IGF1R: variants seen among roughly 807,000 people sequenced by gnomAD.
IGF1R encodes the protein insulin-like growth factor 1 receptor.
A neutral mutation model predicts 144.6 loss-of-function variants in IGF1R; 44 were observed. The ratio of observed to expected loss-of-function variants is 0.30; its 90% CI spans 0.24 to 0.39. The LOEUF (loss-of-function observed/expected upper bound fraction) is 0.39, where lower values mean the gene tolerates loss of function less well. Ranked by LOEUF, IGF1R falls within the 10% of genes least tolerant of loss-of-function variation. The probability of loss-of-function intolerance (pLI) is 1.00; values close to 1 mark genes in which losing one functional copy is unlikely to be tolerated. For synonymous variants in IGF1R, 795 were observed against 722.8 expected, an observed-to-expected ratio of 1.10 and a Z score of -1.60; for missense variants, 1,355 against 1,833.7, an observed-to-expected ratio of 0.74 and a Z score of 4.77.
At chr15:98,832,577 CTGTGAA>C (rs2057021062) in intron 2 of IGF1R, among the ~76,000 whole-genome samples, 1 of 152,186 alleles carries the variant, frequency 6.6e-6, no homozygotes. Context: ...TCACAAGTTT[CTGTGAA>C]TGTGAATTAA....
At chr15:98,723,845 C>T (rs752097391) in intron 2 of IGF1R, among the ~76,000 whole-genome samples, 9 of 152,074 alleles carry the variant, frequency 5.9e-5, no homozygotes, top group Non-Finnish European at 1.2e-4. Context: ...AATGCATGTT[C>T]TTAACATTTT....
intron 2 of IGF1R, among the ~76,000 whole-genome samples, chr15:98,779,666 G>A (rs1378873838): frequency 1.3e-5 from 2 of 152,172 alleles, no homozygotes; most frequent in African/African-American, 4.8e-5. Context: ...CGCTTCTCTG[G>A]AGTCAGAGGT....
intron 2 of IGF1R, among the ~76,000 whole-genome samples, chr15:98,783,189 TG>T (rs576483236): frequency 7.9e-4 from 121 of 152,340 alleles, no homozygotes; most frequent in Middle Eastern, 3.4e-3. Flanking sequence ...AGTAATTCCA[TG>T]CACCATTTTC....
At position 98,957,299 on chromosome 15, in the gene IGF1R, T is replaced by C. The variant is rs754038791; in HGVS notation, c.3961T>C (p.Ser1321Pro). ...SSSLPLPDRHSGHKAENGPGP... is the reference protein window; with the variant it reads ...SSSLPLPDRHPGHKAENGPGP... Reference sequence around the variant, plus strand: ...CTCCCTGCCACTGCCCGACAGACACTCAGGACACAAGGCCGAGAACGGCCC... The same window carrying C: ...CTCCCTGCCACTGCCCGACAGACACCCAGGACACAAGGCCGAGAACGGCCC... Residue 1321 changes from serine (S) to proline (P), a missense_variant, in exon 21 of 21, where the codon TCA (serine) becomes CCA (proline). Physicochemically the swap from Ser to Pro is moderately conservative, Grantham distance 74. Transcript: ENST00000650285. 1.2e-6 allele frequency: 2 copies of C among 1,613,388 alleles called. No individual in the cohort carries two copies. The highest frequency in any genetic ancestry group is 2.2e-5 in the East Asian group (1 of 44,856).
At chr15:98,677,540 T>C (rs1326428567) in intron 1 of IGF1R, among the ~76,000 whole-genome samples, 6 of 152,228 alleles carry the variant, frequency 3.9e-5, no homozygotes, top group African/African-American at 1.4e-4. Flanking sequence ...GGGCTGACTT[T>C]TCTCAAGTTC....
intron 2 of IGF1R, among the ~76,000 whole-genome samples, chr15:98,867,301 T>C (rs1243443978): frequency 6.6e-6 from 1 of 152,248 alleles, no homozygotes. Context: ...ATTGGGTTTG[T>C]TTAATTAAAA....
At chr15:98,685,579 T>C (rs530486886) in intron 1 of IGF1R, among the ~76,000 whole-genome samples, 185 of 152,344 alleles carry the variant, frequency 1.2e-3, no homozygotes, top group African/African-American at 4.2e-3. Flanking sequence ...AGTGGCTCTT[T>C]CCACGACTGG....
chr15:98,742,074 C>G (rs1216291575), intron 2 of IGF1R, among the ~76,000 whole-genome samples: 2 of 152,140 alleles, frequency 1.3e-5, no homozygotes, highest in Non-Finnish European at 2.9e-5. Flanking sequence ...TTGGTCTGTC[C>G]CTGCTAAGCC....
In IGF1R at chr15:98,922,234, A is replaced by G. The variant is rs1036734378; in HGVS notation, c.2288A>G (p.Tyr763Cys). Residue 763 changes from tyrosine to cysteine, a missense_variant, in exon 11 of 21, where the codon TAC becomes TGC. By Grantham distance (194) the Tyr-to-Cys change is radical (BLOSUM62 -2). Coordinates refer to ENST00000650285, the MANE Select transcript of IGF1R (RefSeq NM_000875.5). ...AGGAACACCACGGCCGCAGACACCTACAACATCACCGACCCGGAAGAGCTG... is the reference window on the plus strand; with the variant it reads ...AGGAACACCACGGCCGCAGACACCTGCAACATCACCGACCCGGAAGAGCTG... ...RSRNTTAADT[Y>C]NITDPEELET... 5.6e-6 allele frequency: 9 copies of G among 1,614,216 alleles called. No homozygotes were observed. In the Admixed American group the frequency reaches 1.3e-4, roughly 24 times the overall value.
At chr15:98,762,238 C>CTTTTT (rs5814898) in intron 2 of IGF1R, among the ~76,000 whole-genome samples, 24 of 95,784 alleles carry the variant, frequency 2.5e-4, no homozygotes, top group African/African-American at 4.1e-4. Flanking sequence ...CTTTTCTTTT[C>CTTTTT]TTTTTTTTTT....
At chr15:98,913,334 T>C (rs1442102815) in intron 8 of IGF1R, 52 bp downstream of exon 8, 7 of 1,369,206 alleles carry the variant, frequency 5.1e-6, no homozygotes, top group Non-Finnish European at 7.3e-6. Flanking sequence ...GCAAGCTCAC[T>C]GGCCTTGCTT....
intron 1 of IGF1R, among the ~76,000 whole-genome samples, chr15:98,686,346 C>T (rs35868894): frequency 0.015 from 2,285 of 152,316 alleles, 81 homozygotes; most frequent in Admixed American, 0.072. Context: ...GTTGCTCCCC[C>T]GCTTTGGCTA....
At chr15:98,661,955 C>CTTTTTTTTTTTTTTTTTTTTTTT (rs1567062333) in intron 1 of IGF1R, among the ~76,000 whole-genome samples, 1 of 108,206 alleles carries the variant, frequency 9.2e-6, no homozygotes, top group African/African-American at 4.2e-5. Context: ...TGAATAGGGC[C>CTTTTTTTTTTTTTTTTTTTTTTT]CTTTTTTTTT....
chr15:98,804,085 C>A (rs550402709), intron 2 of IGF1R, among the ~76,000 whole-genome samples: 2 of 152,174 alleles, frequency 1.3e-5, no homozygotes, highest in Non-Finnish European at 2.9e-5. Context: ...GGACCACTAT[C>A]GTATATGCAC....
At chr15:98,719,404 T>C (rs1310545231) in intron 2 of IGF1R, among the ~76,000 whole-genome samples, 2 of 152,186 alleles carry the variant, frequency 1.3e-5, no homozygotes, top group Non-Finnish European at 2.9e-5. Flanking sequence ...ATTCTGAGAA[T>C]GTATAATTTT....
Position 98,922,086 on chromosome 15 carries a change from A to G in IGF1R, c.2202-62A>G, listed in dbSNP as rs556316899. Reference sequence around the variant, plus strand: ...AAGATTCTTCTGTTACTCTTACTCAAGTCATAGAAAAGACAAAAGAGGTAA... The same window carrying G: ...AAGATTCTTCTGTTACTCTTACTCAGGTCATAGAAAAGACAAAAGAGGTAA... On this transcript the variant is annotated intron_variant, in intron 10 of 20. Transcript: ENST00000650285. 3.8e-5 allele frequency: 60 copies of G among 1,568,468 alleles called. No homozygotes were observed. In the South Asian group the frequency reaches 6.6e-4, roughly 17 times the overall value.
chr15:98,858,309 A>G (rs550065369), intron 2 of IGF1R, among the ~76,000 whole-genome samples: 1 of 152,342 alleles, frequency 6.6e-6, no homozygotes, highest in South Asian at 2.1e-4. Flanking sequence ...TTCCTCAGAT[A>G]TGGAGAATAA....
Position 98,861,408 on chromosome 15 carries a change from A to G in IGF1R, c.641-29917A>G, listed in dbSNP as rs2012149049. On this transcript the variant is annotated intron_variant, in intron 2 of 20. Transcript: ENST00000650285. ...TGACCCGCGTAGGGAGGACCCTTAC[A>G]CCCTCTGCATGCAGCGCTGGTGCTC... Among the ~76,000 whole-genome samples the G allele has an allele frequency of 2.0e-5, 3 of 151,790 alleles. No homozygotes were observed. The South Asian group carries it at 6.2e-4, about 32-fold the overall frequency.
At chr15:98,860,317 T>C (rs1434864196) in intron 2 of IGF1R, among the ~76,000 whole-genome samples, 1 of 152,248 alleles carries the variant, frequency 6.6e-6, no homozygotes, top group Non-Finnish European at 1.5e-5. Context: ...ACCATCCTAG[T>C]AGAAATGTGG....
Sources: allele counts gnomAD v4.1 joint callset (sites outside exome capture counted in the v4.1 genomes callset), GRCh38; gene constraint gnomAD v4.1.1; transcripts MANE v1.5; gene names NCBI Gene and HGNC (gene_info 2026-07-23, HGNC 2026-07-21).